The following KCNH7 variants were observed in gnomAD, a reference collection of about 807,000 sequenced individuals.
The protein encoded by KCNH7 is voltage-gated inwardly rectifying potassium channel KCNH7.
In KCNH7, 49 loss-of-function variants were observed where a neutral mutation model predicts 120.8. The observed-to-expected ratio is 0.41, with a 90% confidence interval of 0.32 to 0.51. The LOEUF (loss-of-function observed/expected upper bound fraction) is 0.51, where lower values mean the gene tolerates loss of function less well. Among genes scored for constraint, KCNH7 ranks in the 20% least tolerant of loss-of-function variants. The pLI, the probability that KCNH7 is intolerant of heterozygous loss-of-function variation, is 0.38. For synonymous variants in KCNH7, 547 were observed against 516.1 expected, an observed-to-expected ratio of 1.06 and a Z score of -0.81; for missense variants, 1,097 against 1,446.6, an observed-to-expected ratio of 0.76 and a Z score of 3.92.
chr2:162,425,382 T>TAA (rs61140716), intron 8 of KCNH7, among the ~76,000 whole-genome samples: 1,634 of 152,282 alleles, frequency 0.011, 31 homozygotes, highest in African/African-American at 0.037. Context: ...TTGGCATGTA[T>TAA]GAGACATTAA....
rs114126975 is a variant in KCNH7 at position 162,764,382 on chromosome 2, C to T, written c.307+72155G>A. On this transcript the variant is annotated intron_variant, in intron 2 of 15. Transcript: ENST00000332142. Reference sequence around the variant, plus strand: ...AATCATTTCCAAGGAGATATGCCTTCTCTCCATGTAGCCTCCTTCATAATA... The same window carrying T: ...AATCATTTCCAAGGAGATATGCCTTTTCTCCATGTAGCCTCCTTCATAATA... Among the ~76,000 whole-genome samples the T allele has an allele frequency of 4.2e-3, 640 of 152,208 alleles. 7 individuals are homozygous for T. The highest frequency in any genetic ancestry group is 0.015 in the African/African-American group (619 of 41,540).
chr2:162,471,900 A>G (rs1311808569), intron 6 of KCNH7, among the ~76,000 whole-genome samples: 1 of 152,216 alleles, frequency 6.6e-6, no homozygotes, highest in Non-Finnish European at 1.5e-5. Flanking sequence ...ATATAGACCA[A>G]TGGAACAGAA....
rs199512014 is a variant in KCNH7, at chr2:162,441,830, A to G, written c.1554+4188T>C. Reference sequence around the variant, plus strand: ...AAATTAGGAAATAGAGAATCTTTTTATTGTCTCTCTGGATGGCATTATCAT... The same window carrying G: ...AAATTAGGAAATAGAGAATCTTTTTGTTGTCTCTCTGGATGGCATTATCAT... On this transcript the variant is annotated intron_variant, in intron 7 of 15. Coordinates refer to ENST00000332142, the MANE Select transcript of KCNH7 (RefSeq NM_033272.4). Among the ~76,000 whole-genome samples the G allele has an allele frequency of 3.9e-5, 6 of 152,060 alleles. No homozygotes were observed. The East Asian group carries it at 9.7e-4, about 25-fold the overall frequency.
intron 2 of KCNH7, among the ~76,000 whole-genome samples, chr2:162,725,627 A>G (rs1687485692): frequency 6.6e-6 from 1 of 152,190 alleles, no homozygotes; most frequent in Admixed American, 6.5e-5. Flanking sequence ...CAAAAGGGAG[A>G]AGGCAAGCTT....
intron 2 of KCNH7, among the ~76,000 whole-genome samples, chr2:162,705,646 CT>C (rs1406939522): frequency 6.6e-6 from 1 of 152,012 alleles, no homozygotes; most frequent in East Asian, 1.9e-4. Flanking sequence ...TATCTTTGAG[CT>C]GATAAAATGG....
At chr2:162,621,092 G>A (rs528002333) in intron 2 of KCNH7, among the ~76,000 whole-genome samples, 2 of 152,004 alleles carry the variant, frequency 1.3e-5, no homozygotes, top group South Asian at 4.2e-4. Flanking sequence ...TTCTTATGGT[G>A]TGTGTATATA....
chr2:162,688,127 T>C (rs1486590165), intron 2 of KCNH7, among the ~76,000 whole-genome samples: 1 of 152,278 alleles, frequency 6.6e-6, no homozygotes, highest in Non-Finnish European at 1.5e-5. Flanking sequence ...TTTAAGACAC[T>C]CCATTTAGTC....
rs116535322 is a variant in KCNH7 at position 162,462,035 on chromosome 2, G to A, written c.1129-15592C>T. On this transcript the variant is annotated intron_variant, in intron 6 of 15. Transcript: ENST00000332142. Reference sequence around the variant, plus strand: ...CAGGGGTCCTGTAGAAATGATGTACGTGGCAAAATAAGATTCATATAGGAG... The same window carrying A: ...CAGGGGTCCTGTAGAAATGATGTACATGGCAAAATAAGATTCATATAGGAG... Among the ~76,000 whole-genome samples, 212 of 152,148 alleles carry A rather than the reference G, an allele frequency of 1.4e-3. 1 individual carries two copies. Among genetic ancestry groups the A allele is most frequent in the African/African-American group, 4.9e-3 (205 of 41,542 alleles).
Position 162,406,796 on chromosome 2 carries a change from GT to G in KCNH7, c.2155-6356del, listed in dbSNP as rs556227064. The stretch of plus-strand genomic sequence containing the variant: ...AAGATACTAAACCCTGCTTTTTGTT[GT>G]TTGTAAAAGCTAACGTCCCAACATA... On this transcript the variant is annotated intron_variant, in intron 9 of 15. Coordinates refer to ENST00000332142, the MANE Select transcript of KCNH7 (RefSeq NM_033272.4). Among the ~76,000 whole-genome samples the G allele has an allele frequency of 2.9e-4, 44 of 151,982 alleles. No homozygotes were observed. The South Asian group carries it at 9.1e-3, about 32-fold the overall frequency.
chr2:162,668,473 C>T (rs9973531), intron 2 of KCNH7, among the ~76,000 whole-genome samples: 49,143 of 152,008 alleles, frequency 0.32, 12,801 homozygotes, highest in African/African-American at 0.7. Flanking sequence ...TCACAAGCCA[C>T]CACTGATGTA....
chr2:162,711,516 C>T (rs1686929276), intron 2 of KCNH7, among the ~76,000 whole-genome samples: 1 of 152,220 alleles, frequency 6.6e-6, no homozygotes, highest in Non-Finnish European at 1.5e-5. Context: ...CATCTTCATC[C>T]TGCATTTTCA....
At chr2:162,724,603 C>T (rs1687451395) in intron 2 of KCNH7, among the ~76,000 whole-genome samples, 1 of 147,152 alleles carries the variant, frequency 6.8e-6, no homozygotes. Context: ...ACCCGGGAGG[C>T]GGAGCTTGCA....
intron 6 of KCNH7, among the ~76,000 whole-genome samples, chr2:162,462,335 C>T (rs539443073): frequency 1.3e-5 from 2 of 152,030 alleles, no homozygotes; most frequent in African/African-American, 2.4e-5. Context: ...TTATTTAAAG[C>T]AATTTAGAGT....
chr2:162,707,963 C>T (rs540986051), intron 2 of KCNH7, among the ~76,000 whole-genome samples: 1 of 152,078 alleles, frequency 6.6e-6, no homozygotes, highest in East Asian at 1.9e-4. Flanking sequence ...TGATTCCTCC[C>T]TCTCTGATCT....
chr2:162,641,290 A>G (rs1279850137), intron 2 of KCNH7, among the ~76,000 whole-genome samples: 1 of 152,238 alleles, frequency 6.6e-6, no homozygotes, highest in East Asian at 1.9e-4. Flanking sequence ...TATACAAACT[A>G]TGGTACATGT....
chr2:162,403,549 A>T (rs1479715386), intron 9 of KCNH7, among the ~76,000 whole-genome samples: 1 of 151,904 alleles, frequency 6.6e-6, no homozygotes, highest in Non-Finnish European at 1.5e-5. Context: ...TTTTCTTATT[A>T]ACTGTCCTCT....
chr2:162,777,517 A>T (rs1456312026), intron 2 of KCNH7, among the ~76,000 whole-genome samples: 4 of 152,162 alleles, frequency 2.6e-5, no homozygotes, highest in Non-Finnish European at 5.9e-5. Flanking sequence ...TTATGGTAGT[A>T]AAAGTGTAAG....
At chr2:162,640,740 A>G (rs1196692772) in intron 2 of KCNH7, among the ~76,000 whole-genome samples, 1 of 152,188 alleles carries the variant, frequency 6.6e-6, no homozygotes, top group East Asian at 1.9e-4. Context: ...TGCAAAAAGG[A>G]CAAGATATAG....
intron 2 of KCNH7, among the ~76,000 whole-genome samples, chr2:162,832,058 A>T (rs752225617): frequency 1.9e-3 from 284 of 152,292 alleles, no homozygotes; most frequent in Non-Finnish European, 2.4e-3. Context: ...AGTCCATGAG[A>T]TGATATAAAA....
Sources: gnomAD v4.1 joint callset for allele counts (sites outside exome capture counted in the v4.1 genomes callset) on GRCh38, gnomAD v4.1.1 for gene constraint, MANE v1.5 for transcripts, NCBI Gene and HGNC (gene_info 2026-07-23, HGNC 2026-07-21) for gene names.